PALLD: variants seen among roughly 807,000 people sequenced by gnomAD.
PALLD encodes palladin, cytoskeletal associated protein.
In PALLD, 61 loss-of-function variants were observed where a neutral mutation model predicts 123.5. The observed-to-expected ratio is 0.49, with a 90% confidence interval of 0.40 to 0.61. The LOEUF (loss-of-function observed/expected upper bound fraction) is 0.61. PALLD is among the 20% of genes least tolerant of loss of function. The pLI, the probability that PALLD is intolerant of heterozygous loss-of-function variation, is 0.00. For synonymous variants in PALLD, 465 were observed against 496.4 expected (o/e 0.94, Z 0.84); for missense variants, 1,273 against 1,377.0 (o/e 0.92, Z 1.20).
chr4:168,762,545 G>A (rs1025288718), intron 10 of PALLD, among the ~76,000 whole-genome samples: 5 of 152,188 alleles, frequency 3.3e-5, no homozygotes, highest in Admixed American at 2.0e-4. Context: ...GAGAGGATGT[G>A]GAGAAATAGG....
intron 2 of PALLD, among the ~76,000 whole-genome samples, chr4:168,612,997 G>T (rs1200935129): frequency 6.6e-6 from 1 of 152,192 alleles, no homozygotes; most frequent in East Asian, 1.9e-4. Context: ...GCATGGGGCT[G>T]AAGTTTCTGC....
At chr4:168,885,065 C>T (rs550323498) in intron 10 of PALLD, among the ~76,000 whole-genome samples, 9 of 152,294 alleles carry the variant, frequency 5.9e-5, no homozygotes, top group East Asian at 5.8e-4. Context: ...CAGGTTATCA[C>T]GTCTGTTTCT....
chr4:168,773,091 G>C (rs569330365), intron 10 of PALLD, among the ~76,000 whole-genome samples: 3 of 151,364 alleles, frequency 2.0e-5, no homozygotes, highest in Non-Finnish European at 4.4e-5. Context: ...TTTAGAGTAG[G>C]AGAGGATTTT....
rs910886193 is a variant in PALLD at position 168,821,879 on chromosome 4, C to CAAAA, written c.1965-69024_1965-69021dup. ...TGGGCAACAGAGCAAAACGCTGTCT[C>CAAAA]AAAAAAAAAAAAAAAAAAAAAAGTT... On this transcript the variant is annotated intron_variant, in intron 10 of 21. Coordinates refer to ENST00000505667, the MANE Select transcript of PALLD (RefSeq NM_001166108.2). Among the ~76,000 whole-genome samples, 368 of 58,280 alleles carry CAAAA rather than the reference C, an allele frequency of 6.3e-3. 2 individuals carry two copies. The highest frequency in any genetic ancestry group is 0.011 in the Non-Finnish European group (299 of 28,148). 38.2% of individuals were successfully genotyped at this position (58,280 alleles called of 152,430 possible). A position where few individuals can be genotyped will look rare whatever the true frequency, so the allele number is the denominator to read the frequency against.
chr4:168,617,222 CTG>C (rs1774314778), intron 2 of PALLD, among the ~76,000 whole-genome samples: 1 of 152,194 alleles, frequency 6.6e-6, no homozygotes. Context: ...AAATAAATGT[CTG>C]CCTGGTTTAA....
intron 10 of PALLD, among the ~76,000 whole-genome samples, chr4:168,802,619 G>A (rs1739512142): frequency 2.0e-5 from 3 of 150,562 alleles, no homozygotes; most frequent in East Asian, 3.9e-4. Flanking sequence ...TTTTTCAAAT[G>A]TAACTACTGT....
chr4:168,774,392 T>G (rs1264284577), intron 10 of PALLD, among the ~76,000 whole-genome samples: 1 of 152,144 alleles, frequency 6.6e-6, no homozygotes, highest in Non-Finnish European at 1.5e-5. Context: ...GTAATAAGTT[T>G]TGACATATGT....
In PALLD at chr4:168,685,568, T is replaced by A; in HGVS notation, c.1335+9T>A. 6.4e-7 allele frequency: 1 copy of A among 1,566,164 alleles called. No homozygotes were observed. The highest frequency in any genetic ancestry group is 1.7e-5 in the Admixed American group (1 of 59,950). ...CTCCTGTTTTTACAAAGGTCTGACA[T>A]CTGGAAGTCTCATTCTCTGTGTTTG... On this transcript the variant is annotated intron_variant, in intron 6 of 21. Coordinates refer to ENST00000505667, the MANE Select transcript of PALLD (RefSeq NM_001166108.2).
intron 10 of PALLD, among the ~76,000 whole-genome samples, chr4:168,846,393 T>A (rs901347819): frequency 2.0e-5 from 3 of 152,220 alleles, no homozygotes; most frequent in Non-Finnish European, 4.4e-5. Context: ...ACATAAGGAA[T>A]CAATTTCAAC....
At chr4:168,735,221 G>A (rs1000625887) in intron 10 of PALLD, among the ~76,000 whole-genome samples, 3 of 152,060 alleles carry the variant, frequency 2.0e-5, no homozygotes, top group African/African-American at 4.8e-5. Context: ...ACAGGCATCC[G>A]CACCACAGAC....
At chr4:168,500,774 G>A (rs1267511867) in intron 1 of PALLD, among the ~76,000 whole-genome samples, 1 of 152,036 alleles carries the variant, frequency 6.6e-6, no homozygotes, top group Admixed American at 6.5e-5. Context: ...CAACTTTAAA[G>A]GCAAATGGTA....
At chr4:168,814,770 CTGTT>C (rs1275565566) in intron 10 of PALLD, among the ~76,000 whole-genome samples, 4 of 152,158 alleles carry the variant, frequency 2.6e-5, no homozygotes, top group East Asian at 1.9e-4. Flanking sequence ...TTAATCTTTT[CTGTT>C]TGTTTGTTTG....
intron 6 of PALLD, among the ~76,000 whole-genome samples, chr4:168,687,831 T>C (rs1251839157): frequency 6.6e-6 from 1 of 152,212 alleles, no homozygotes; most frequent in African/African-American, 2.4e-5. Flanking sequence ...AGCACAGCTT[T>C]AAAGAGAAGT....
chr4:168,606,663 CAA>C (rs70961540), intron 2 of PALLD, among the ~76,000 whole-genome samples: 180 of 92,078 alleles, frequency 2.0e-3, no homozygotes, highest in South Asian at 3.9e-3. Flanking sequence ...GACTCCGTCT[CAA>C]AAAAAAAAAA....
At chr4:168,708,547 T>A (rs925747064) in intron 8 of PALLD, among the ~76,000 whole-genome samples, 1 of 152,172 alleles carries the variant, frequency 6.6e-6, no homozygotes, top group African/African-American at 2.4e-5. Flanking sequence ...TGTCTACAGG[T>A]CAAACATATA....
intron 2 of PALLD, among the ~76,000 whole-genome samples, chr4:168,667,279 G>C (rs1177769795): frequency 1.3e-5 from 2 of 152,150 alleles, no homozygotes; most frequent in Non-Finnish European, 2.9e-5. Context: ...ATCTCTAAGT[G>C]CTCATTAAGA....
chr4:168,724,322 T>C (rs970177232), intron 10 of PALLD, among the ~76,000 whole-genome samples: 5 of 152,244 alleles, frequency 3.3e-5, no homozygotes, highest in Non-Finnish European at 7.3e-5. Context: ...TTACCATTGA[T>C]TTATTTTTTC....
chr4:168,762,076 A>G (rs1733023059), intron 10 of PALLD, among the ~76,000 whole-genome samples: 2 of 118,868 alleles, frequency 1.7e-5, no homozygotes. Flanking sequence ...TTGCGAAGTA[A>G]CTTGGGACTC....
chr4:168,663,118 A>G (rs1008697167), intron 2 of PALLD, among the ~76,000 whole-genome samples: 5 of 152,356 alleles, frequency 3.3e-5, no homozygotes, highest in Admixed American at 2.0e-4. Context: ...TTCTTTGATA[A>G]GCTCAATGGC....
Sources: allele counts gnomAD v4.1 joint callset (sites outside exome capture counted in the v4.1 genomes callset), GRCh38; gene constraint gnomAD v4.1.1; transcripts MANE v1.5; gene names NCBI Gene and HGNC (gene_info 2026-07-23, HGNC 2026-07-21).